Variants in RAB37 observed in about 807,000 individuals in gnomAD.
RAB37 encodes the protein ras-related protein Rab-37.
In RAB37, 29 loss-of-function variants were observed where a neutral mutation model predicts 33.1. That is an observed-to-expected ratio of 0.88 (90% confidence interval 0.65 to 1.20). The LOEUF (loss-of-function observed/expected upper bound fraction) is 1.20, where lower values mean the gene tolerates loss of function less well. Ranked by LOEUF, RAB37 falls within the 50% of genes most tolerant of loss-of-function variation. The pLI, the probability that RAB37 is intolerant of heterozygous loss-of-function variation, is 0.00. For missense variants in RAB37, 299 were observed against 301.1 expected, an observed-to-expected ratio of 0.99 and a Z score of 0.05; for synonymous variants, 128 against 119.5, an observed-to-expected ratio of 1.07 and a Z score of -0.47.
intron 1 of RAB37, among the ~76,000 whole-genome samples, chr17:74,724,120 A>C (rs930816738): frequency 2.0e-5 from 3 of 152,346 alleles, no homozygotes; most frequent in Admixed American, 6.5e-5. Flanking sequence ...GGACGTGCCC[A>C]TGACACAGCC....
At chr17:74,737,219 T>C (rs1470626769), upstream of RAB37, 3 of 1,534,878 alleles carry the variant, frequency 2.0e-6, no homozygotes, top group East Asian at 7.3e-5. Context: ...GTGGGGCCGT[T>C]CCTGCGCTCT....
chr17:74,699,197 G>A (rs567065736), intron 1 of RAB37, among the ~76,000 whole-genome samples: 11 of 152,296 alleles, frequency 7.2e-5, no homozygotes, highest in South Asian at 2.1e-4. Context: ...GATTACAGGC[G>A]TGAGCCACAG....
intron 1 of RAB37, among the ~76,000 whole-genome samples, chr17:74,708,993 G>A (rs1383759934): frequency 6.6e-6 from 1 of 151,376 alleles, no homozygotes; most frequent in Non-Finnish European, 1.5e-5. Flanking sequence ...GGGAGTCCGA[G>A]TCAGGCAGAT....
rs182817970 is a variant in RAB37, at chr17:74,724,200, C to T, written c.73-5056C>T. Among the ~76,000 whole-genome samples, 973 of 152,280 alleles carry T rather than the reference C, an allele frequency of 6.4e-3. 4 individuals are homozygous for T. Among genetic ancestry groups the T allele is most frequent in the Non-Finnish European group, 8.6e-3 (587 of 68,018 alleles). ...CTAGGCTTTACACATTTTAGGGAGA[C>T]ATGAGACATCAATCAAGATATGTTA... On this transcript the variant is annotated intron_variant, in intron 1 of 7. Transcript: ENST00000340415.
At chr17:74,697,849 G>A (rs1247660046) in intron 1 of RAB37, among the ~76,000 whole-genome samples, 1 of 151,902 alleles carries the variant, frequency 6.6e-6, no homozygotes, top group Non-Finnish European at 1.5e-5. Flanking sequence ...TTGGAGGGCT[G>A]TGTGTGTGTG....
At chr17:74,674,292 G>T (rs567844068) in intron 1 of RAB37, among the ~76,000 whole-genome samples, 21 of 144,494 alleles carry the variant, frequency 1.5e-4, no homozygotes, top group African/African-American at 4.4e-4. Context: ...ATGTTGGCCA[G>T]GCTGGTCTTG....
intron 1 of RAB37, among the ~76,000 whole-genome samples, chr17:74,693,998 T>TAC (rs576267729): frequency 2.0e-3 from 303 of 151,420 alleles, no homozygotes; most frequent in Non-Finnish European, 3.1e-3. Context: ...TGTATGTGTA[T>TAC]ACACACACAC....
rs190706672 is a variant in RAB37 at position 74,685,769 on chromosome 17, A to G, written c.72+14111A>G. ...ACCTCCAGAAATGCTAGTGAAGCCC[A>G]GGTGACAATCTCAGCCTGGCCCAGG... On this transcript the variant is annotated intron_variant, in intron 1 of 7. Transcript: ENST00000340415. 2.0e-3 allele frequency among the ~76,000 whole-genome samples: 311 copies of G among 152,336 alleles called. 3 individuals carry two copies. Among genetic ancestry groups the G allele is most frequent in the Non-Finnish European group, 1.7e-3 (114 of 68,030 alleles).
upstream of RAB37, chr17:74,736,430 G>A (rs2034475577): frequency 3.2e-6 from 2 of 618,198 alleles, no homozygotes; most frequent in Non-Finnish European, 4.0e-6. Flanking sequence ...GTCACCAGGA[G>A]CTGCCGGGTG....
chr17:74,745,150 C>A lies in RAB37; in HGVS notation c.566+66C>A. 6.3e-7 allele frequency: 1 copy of A among 1,580,354 alleles called. No homozygotes were observed. The highest frequency in any genetic ancestry group is 1.1e-5 in the South Asian group (1 of 90,200). On this transcript the variant is annotated intron_variant, in intron 8 of 8. Transcript: ENST00000392613. The surrounding 1 kb of genome is among the most constrained non-coding windows in gnomAD (Gnocchi z 4.5). Reference sequence around the variant, plus strand: ...GGCACACTCCAGGAATCCAGTAGGGCCCGGCCCCTGGCCCAGCCCCTGGAC... The same window carrying A: ...GGCACACTCCAGGAATCCAGTAGGGACCGGCCCCTGGCCCAGCCCCTGGAC...
chr17:74,691,020 C>A (rs1177358203), intron 1 of RAB37, among the ~76,000 whole-genome samples: 3 of 152,132 alleles, frequency 2.0e-5, no homozygotes, highest in African/African-American at 7.2e-5. Flanking sequence ...CAGGGCTCAA[C>A]TGATCCTCCT....
At chr17:74,677,647 C>G (rs12948633) in intron 1 of RAB37, 2 of 152,188 alleles carry the variant, frequency 1.3e-5, no homozygotes, top group East Asian at 3.8e-4. Context: ...TGAAGGCTTA[C>G]AGATAAACAA....
chr17:74,728,433 TTG>T (rs1444114863), intron 1 of RAB37, among the ~76,000 whole-genome samples: 15 of 151,968 alleles, frequency 9.9e-5, no homozygotes, highest in East Asian at 3.9e-4. Context: ...CATGTATGTT[TTG>T]TGTGTTTGTG....
chr17:74,697,554 G>T (rs926421486), intron 1 of RAB37, among the ~76,000 whole-genome samples: 1 of 152,218 alleles, frequency 6.6e-6, no homozygotes, highest in South Asian at 2.1e-4. Flanking sequence ...GATTTCCCAG[G>T]CTGTGGGGAG....
intron 1 of RAB37, among the ~76,000 whole-genome samples, chr17:74,701,977 G>T (rs1044456287): frequency 6.6e-6 from 1 of 151,724 alleles, no homozygotes; most frequent in South Asian, 2.1e-4. Context: ...AGCCAAGATG[G>T]CACCATGCAC....
upstream of RAB37, among the ~76,000 whole-genome samples, chr17:74,735,006 A>AAAGGAAGGAAGGAAGG (rs1278575071): frequency 2.0e-5 from 2 of 99,178 alleles, no homozygotes; most frequent in East Asian, 2.7e-4. Flanking sequence ...AAAGAAAAAG[A>AAAGGAAGGAAGGAAGG]AAGGAAGGAA....
At position 74,700,783 on chromosome 17, in the gene RAB37, G is replaced by A. The variant is rs796182993; in HGVS notation, c.73-28473G>A. On this transcript the variant is annotated intron_variant, in intron 1 of 7. Coordinates refer to the RAB37 transcript ENST00000340415. Reference sequence around the variant, plus strand: ...AACAAACAACAAAAAAAACTGTTGTGGGCTGGGCTGGATTGTACACCACCA... The same window carrying A: ...AACAAACAACAAAAAAAACTGTTGTAGGCTGGGCTGGATTGTACACCACCA... 1.6e-4 allele frequency among the ~76,000 whole-genome samples: 24 copies of A among 152,094 alleles called. 1 individual carries two copies. The highest frequency in any genetic ancestry group is 5.8e-4 in the African/African-American group (24 of 41,500).
At chr17:74,735,298 G>T (rs2034459655), upstream of RAB37, among the ~76,000 whole-genome samples, 1 of 152,162 alleles carries the variant, frequency 6.6e-6, no homozygotes, top group South Asian at 2.1e-4. Flanking sequence ...CCAGCAATTT[G>T]GAAGGCCAAG....
chr17:74,711,074 C>T (rs1003419158), intron 1 of RAB37, among the ~76,000 whole-genome samples: 1 of 152,096 alleles, frequency 6.6e-6, no homozygotes, highest in African/African-American at 2.4e-5. Flanking sequence ...TCACAGAAAA[C>T]AAACTTCCGG....
Sources: gnomAD v4.1 joint callset for allele counts (sites outside exome capture counted in the v4.1 genomes callset) on GRCh38, gnomAD v4.1.1 for gene constraint, Gnocchi (gnomAD v3.1) non-coding constraint, MANE v1.5 for transcripts, NCBI Gene and HGNC (gene_info 2026-07-23, HGNC 2026-07-21) for gene names.